The following NR1H4 variants were observed in gnomAD, a reference collection of about 807,000 sequenced individuals.
NR1H4 encodes the protein bile acid receptor.
In NR1H4, 23 loss-of-function variants were observed where a neutral mutation model predicts 58.5. That is an observed-to-expected ratio of 0.39 (90% CI 0.28 to 0.56). The LOEUF (loss-of-function observed/expected upper bound fraction) is 0.56. Ranked by LOEUF, NR1H4 falls within the 20% of genes least tolerant of loss-of-function variation. The pLI, the probability that NR1H4 is intolerant of heterozygous loss-of-function variation, is 0.58. For synonymous variants in NR1H4, 214 were observed against 198.0 expected, an observed-to-expected ratio of 1.08 and a Z score of -0.68; for missense variants, 487 against 576.9, an observed-to-expected ratio of 0.84 and a Z score of 1.60.
chr12:100,511,560 T>A (rs964456023), intron 4 of NR1H4, among the ~76,000 whole-genome samples: 18 of 152,188 alleles, frequency 1.2e-4, no homozygotes, highest in African/African-American at 4.3e-4. Context: ...TTAAAAATAT[T>A]TTTCATGTAC....
intron 3 of NR1H4, chr12:100,500,117 G>A (rs997529506): frequency 5.6e-6 from 2 of 353,998 alleles, no homozygotes; most frequent in Non-Finnish European, 1.1e-5. Flanking sequence ...TAGTAAGTAG[G>A]CAACTGAAAT....
intron 3 of NR1H4, chr12:100,503,487 C>A (rs1172660068): frequency 5.6e-6 from 9 of 1,595,416 alleles, no homozygotes; most frequent in Non-Finnish European, 7.6e-6. Flanking sequence ...GAGTATGAAG[C>A]CCGCGAAAGG....
At chr12:100,490,601 G>T (rs886283843) in intron 1 of NR1H4, among the ~76,000 whole-genome samples, 1 of 152,006 alleles carries the variant, frequency 6.6e-6, no homozygotes. Flanking sequence ...ATTTTGATGG[G>T]GAGTGGGGTA....
At chr12:100,545,616 T>C (rs147987163) in intron 9 of NR1H4, among the ~76,000 whole-genome samples, 11,570 of 118,026 alleles carry the variant, frequency 0.098, 1,622 homozygotes, top group African/African-American at 0.33. Flanking sequence ...TACTCCAGCC[T>C]GGGTGACAGA....
At chr12:100,487,038 C>A (rs1046302832) in intron 1 of NR1H4, among the ~76,000 whole-genome samples, 6 of 152,040 alleles carry the variant, frequency 3.9e-5, no homozygotes, top group Non-Finnish European at 8.8e-5. Flanking sequence ...AGGAAGTAAA[C>A]CCAAAATGGA....
At chr12:100,539,209 T>A (rs914491235) in intron 8 of NR1H4, among the ~76,000 whole-genome samples, 4 of 151,660 alleles carry the variant, frequency 2.6e-5, no homozygotes, top group East Asian at 1.9e-4. Context: ...AAGGAAAAAA[T>A]TTAAAATATG....
chr12:100,541,325 A>T (rs1295782940), intron 9 of NR1H4, among the ~76,000 whole-genome samples: 1 of 150,102 alleles, frequency 6.7e-6, no homozygotes, highest in East Asian at 1.9e-4. Flanking sequence ...CTCTTTGCCC[A>T]GGCTGGAGTG....
At chr12:100,523,079 G>A (rs549232607) in intron 4 of NR1H4, among the ~76,000 whole-genome samples, 90 of 152,212 alleles carry the variant, frequency 5.9e-4, no homozygotes, top group Non-Finnish European at 9.1e-4. Flanking sequence ...TCACTAGTGG[G>A]ATTGCTGGAT....
intron 4 of NR1H4, among the ~76,000 whole-genome samples, chr12:100,512,468 G>T (rs1289274292): frequency 6.6e-6 from 1 of 151,888 alleles, no homozygotes; most frequent in Non-Finnish European, 1.5e-5. Context: ...GTGAAACCCC[G>T]TCTCTACTAA....
At chr12:100,518,844 G>A (rs1402112908) in intron 4 of NR1H4, among the ~76,000 whole-genome samples, 1 of 148,020 alleles carries the variant, frequency 6.8e-6, no homozygotes, top group Non-Finnish European at 1.5e-5. Context: ...CCAGGCTGGA[G>A]CGCAGTGGCA....
In NR1H4 at chr12:100,546,268, C is replaced by T. The variant is rs776857489; in HGVS notation, c.1078+5450C>T. 2.0e-5 allele frequency among the ~76,000 whole-genome samples: 3 copies of T among 152,152 alleles called. 1 individual carries two copies. The highest frequency in any genetic ancestry group is 2.0e-4 in the Admixed American group (3 of 15,280). On this transcript the variant is annotated intron_variant, in intron 9 of 10. Transcript: ENST00000392986. ...CACTTTGAGGTAGATATTATCAATT[C>T]TATGCCAGACCTAGACCCTGTTAAT...
intron 3 of NR1H4, among the ~76,000 whole-genome samples, chr12:100,500,829 C>T (rs999987107): frequency 1.1e-4 from 17 of 152,154 alleles, no homozygotes; most frequent in African/African-American, 4.1e-4. Context: ...GAGACTTCCC[C>T]AGCCATGCAG....
In NR1H4 at chr12:100,493,367, C is replaced by A. The variant is rs1465383742; in HGVS notation, c.44C>A (p.Thr15Asn). 19 of 1,577,550 alleles carry A rather than the reference C, an allele frequency of 1.2e-5. No homozygotes were observed. Among genetic ancestry groups the A allele is most frequent in the Non-Finnish European group, 1.6e-5 (18 of 1,151,814 alleles). The change falls in exon 3 of 11, where the codon ACC (threonine) becomes AAC (asparagine). Residue 15 changes from threonine (T) to asparagine (N), a missense_variant. By Grantham distance (65) the Thr-to-Asn change is moderately conservative. Coordinates refer to ENST00000392986, the MANE Select transcript of NR1H4 (RefSeq NM_001206979.2). Reference protein sequence around the residue: ...MNLIEHSHLPTTDEFSFSENL... With the variant: ...MNLIEHSHLPNTDEFSFSENL... Reference sequence around the variant, plus strand: ...CTCATTGAACATTCCCATTTACCTACCACAGATGAATTTTCTTTTTCTGAA... The same window carrying A: ...CTCATTGAACATTCCCATTTACCTAACACAGATGAATTTTCTTTTTCTGAA...
intron 9 of NR1H4, among the ~76,000 whole-genome samples, chr12:100,556,029 T>G (rs377046269): frequency 2.0e-5 from 3 of 151,982 alleles, no homozygotes; most frequent in African/African-American, 7.2e-5. Context: ...AATTAAAAAA[T>G]CAAAGTCAAA....
chr12:100,522,186 G>GA (rs1954441496), intron 4 of NR1H4, among the ~76,000 whole-genome samples: 1 of 152,088 alleles, frequency 6.6e-6, no homozygotes. Context: ...TGATGATGGT[G>GA]ATGGTGATGA....
intron 3 of NR1H4, among the ~76,000 whole-genome samples, 171 bp from the exon 4 acceptor site, chr12:100,510,607 T>TTATATATATATATATATATATATATATA (rs34480475): frequency 1.5e-5 from 2 of 133,694 alleles, no homozygotes; most frequent in African/African-American, 2.8e-5. Context: ...TCATTTAATT[T>TTATATATATATATATATATATATATATA]TATATATATA....
chr12:100,494,261 G>C (rs997578296), intron 3 of NR1H4, among the ~76,000 whole-genome samples: 1 of 152,064 alleles, frequency 6.6e-6, no homozygotes, highest in African/African-American at 2.4e-5. Context: ...TTAATAATTT[G>C]TTCTGTTACC....
chr12:100,488,876 A>C (rs1222299091), intron 1 of NR1H4, among the ~76,000 whole-genome samples: 2 of 152,222 alleles, frequency 1.3e-5, no homozygotes, highest in East Asian at 3.8e-4. Context: ...ATTAGATGTC[A>C]ACCCAAAAAG....
At position 100,502,536 on chromosome 12, in the gene NR1H4, T is replaced by C. The variant is rs912361369; in HGVS notation, c.80-8242T>C. Among the ~76,000 whole-genome samples, 6 of 151,972 alleles carry C rather than the reference T, an allele frequency of 3.9e-5. No homozygotes were observed. In the East Asian group the frequency reaches 5.8e-4, roughly 15 times the overall value. On this transcript the variant is annotated intron_variant, in intron 3 of 10. Transcript: ENST00000392986. Reference sequence around the variant, plus strand: ...AGTTTTTATAAGGATACAAGTCATATTGGATCTTCATTTTAATTTGATTTT... The same window carrying C: ...AGTTTTTATAAGGATACAAGTCATACTGGATCTTCATTTTAATTTGATTTT...
Sources: gnomAD v4.1 joint callset for allele counts (sites outside exome capture counted in the v4.1 genomes callset) on GRCh38, gnomAD v4.1.1 for gene constraint, MANE v1.5 for transcripts, NCBI Gene and HGNC (gene_info 2026-07-23, HGNC 2026-07-21) for gene names.